Variants in XPR1 observed in about 807,000 individuals in gnomAD.
The protein encoded by XPR1 is solute carrier family 53 member 1.
Under a neutral mutation model 87.5 loss-of-function variants are expected in XPR1, and 28 were observed. The observed-to-expected ratio is 0.32, with a 90% CI of 0.24 to 0.44. The LOEUF is 0.44. Ranked by LOEUF, XPR1 falls within the 20% of genes least tolerant of loss-of-function variation. The pLI is 1.00. For missense variants in XPR1, 559 were observed against 862.3 expected (o/e 0.65, Z 4.41); for synonymous variants, 300 against 306.1 (o/e 0.98, Z 0.21).
intron 11 of XPR1, among the ~76,000 whole-genome samples, chr1:180,840,461 G>C (rs766483245): frequency 3.8e-4 from 58 of 150,980 alleles, no homozygotes; most frequent in Non-Finnish European, 6.6e-4. Context: ...GGCATACTCT[G>C]ATCCTCTTCA....
At chr1:180,840,085 C>T (rs993780801) in intron 11 of XPR1, among the ~76,000 whole-genome samples, 8 of 151,322 alleles carry the variant, frequency 5.3e-5, no homozygotes, top group Non-Finnish European at 1.0e-4. Context: ...TAGCCGGGAG[C>T]GGTGGCGGGC....
chr1:180,727,656 A>G (rs1311504966), intron 2 of XPR1, among the ~76,000 whole-genome samples: 2 of 152,192 alleles, frequency 1.3e-5, no homozygotes, highest in African/African-American at 4.8e-5. Flanking sequence ...AAAACCAACC[A>G]ACCAAACCAA....
chr1:180,807,475 A>T (rs139525362), intron 6 of XPR1, among the ~76,000 whole-genome samples: 177 of 152,348 alleles, frequency 1.2e-3, no homozygotes, highest in African/African-American at 4.0e-3. Flanking sequence ...CAAAATATAC[A>T]ATGCTTAGTA....
At chr1:180,837,444 A>G (rs927578342) in intron 11 of XPR1, among the ~76,000 whole-genome samples, 1 of 152,116 alleles carries the variant, frequency 6.6e-6, no homozygotes, top group Non-Finnish European at 1.5e-5. Flanking sequence ...TTATTTTTAA[A>G]TACTTTGCAA....
chr1:180,803,484 T>G lies in XPR1; in HGVS notation c.320T>G (p.Leu107Arg), dbSNP rs776317784. The change falls in exon 4 of 15, where the codon CTG (leucine) becomes CGG (arginine). Residue 107 changes from leucine (L) to arginine (R), a missense_variant. Coordinates refer to ENST00000367590, the MANE Select transcript of XPR1 (RefSeq NM_004736.4). ...AAAGAAAGCACTGGTGTTACTACGCTGCGACAACGCAGAAAGCCAGTCTTC... is the reference window on the plus strand; with the variant it reads ...AAAGAAAGCACTGGTGTTACTACGCGGCGACAACGCAGAAAGCCAGTCTTC... ...AQKESTGVTTLRQRRKPVFHL... is the reference protein window; with the variant it reads ...AQKESTGVTTRRQRRKPVFHL... 2 of 1,614,042 alleles carry G rather than the reference T, an allele frequency of 1.2e-6. No homozygotes were observed. The highest frequency in any genetic ancestry group is 1.7e-6 in the Non-Finnish European group (2 of 1,179,996).
intron 5 of XPR1, 106 bp downstream of exon 5, chr1:180,806,317 T>C: frequency 6.6e-7 from 1 of 1,513,186 alleles, no homozygotes; most frequent in Non-Finnish European, 9.0e-7. Context: ...TAGCTTTGAA[T>C]ATATATGCCT....
intron 2 of XPR1, among the ~76,000 whole-genome samples, chr1:180,701,820 T>G (rs1657341274): frequency 7.1e-6 from 1 of 141,126 alleles, no homozygotes; most frequent in Admixed American, 6.9e-5. Flanking sequence ...ATTTGATTCT[T>G]CTCTCTTTTT....
chr1:180,810,736 G>A (rs1650177464), intron 6 of XPR1, among the ~76,000 whole-genome samples: 1 of 151,728 alleles, frequency 6.6e-6, no homozygotes, highest in Non-Finnish European at 1.5e-5. Context: ...TTGTAAAAAT[G>A]AAATTGCATC....
At chr1:180,661,657 G>C (rs1018592504) in intron 1 of XPR1, among the ~76,000 whole-genome samples, 1 of 152,060 alleles carries the variant, frequency 6.6e-6, no homozygotes, top group Non-Finnish European at 1.5e-5. Context: ...ATCACCTGAG[G>C]TCAGGAGTTC....
chr1:180,690,588 A>G (rs1383704979), intron 2 of XPR1, among the ~76,000 whole-genome samples: 2 of 152,016 alleles, frequency 1.3e-5, no homozygotes, highest in African/African-American at 4.8e-5. Flanking sequence ...TACCTAAATC[A>G]GGCCAAGCTT....
chr1:180,754,222 A>G (rs745518759), intron 2 of XPR1, among the ~76,000 whole-genome samples: 2 of 152,172 alleles, frequency 1.3e-5, no homozygotes, highest in Admixed American at 1.3e-4. Context: ...ACTATTATCT[A>G]TTCTGGCTAC....
At chr1:180,701,914 G>A (rs1233160323) in intron 2 of XPR1, among the ~76,000 whole-genome samples, 11 of 118,564 alleles carry the variant, frequency 9.3e-5, no homozygotes, top group Non-Finnish European at 1.7e-4. Context: ...TTTTTTGAAG[G>A]GTTTTTTGTG....
intron 3 of XPR1, among the ~76,000 whole-genome samples, chr1:180,798,197 G>C (rs898699434): frequency 6.6e-5 from 10 of 151,804 alleles, no homozygotes; most frequent in African/African-American, 2.4e-4. Context: ...ATGTAAAGGA[G>C]AGCATGAAAA....
At chr1:180,840,564 G>GTA (rs1382653969) in intron 11 of XPR1, among the ~76,000 whole-genome samples, 11 of 134,268 alleles carry the variant, frequency 8.2e-5, no homozygotes, top group South Asian at 2.4e-4. Context: ...GTGTGTGTGT[G>GTA]TGTATATATA....
intron 11 of XPR1, among the ~76,000 whole-genome samples, chr1:180,847,666 A>T (rs1044453003): frequency 6.6e-6 from 1 of 152,202 alleles, no homozygotes. Flanking sequence ...TCACATGCAA[A>T]ATATTAGGGA....
rs369695533 is a variant in XPR1 at position 180,872,844 on chromosome 1, G to A, written c.1669-959G>A. 4.6e-5 allele frequency among the ~76,000 whole-genome samples: 7 copies of A among 151,928 alleles called. No homozygotes were observed. In the East Asian group the frequency reaches 5.8e-4, roughly 13 times the overall value. ...ATTCGGCCATCTTGGCTCCTCCCCC[G>A]GATTATTCTTATTACACATATTAGT... is the stretch of plus-strand genomic sequence containing the variant. On this transcript the variant is annotated intron_variant, in intron 12 of 14. Transcript: ENST00000367590.
At chr1:180,757,967 G>C (rs565461551) in intron 2 of XPR1, among the ~76,000 whole-genome samples, 140 of 147,972 alleles carry the variant, frequency 9.5e-4, no homozygotes, top group African/African-American at 3.2e-3. Context: ...TTGATATGTA[G>C]TAGAGAAAGC....
At chr1:180,834,812 A>C in intron 9 of XPR1, 62 bp from the exon 10 acceptor site, 2 of 1,521,758 alleles carry the variant, frequency 1.3e-6, no homozygotes, top group Non-Finnish European at 1.8e-6. Context: ...TCAGACATGA[A>C]ATGGAGACAT....
At chr1:180,673,425 T>C (rs1000095378) in intron 1 of XPR1, among the ~76,000 whole-genome samples, 4 of 152,234 alleles carry the variant, frequency 2.6e-5, no homozygotes, top group African/African-American at 7.2e-5. Flanking sequence ...ATGAAAGATA[T>C]TGTGTGTTCA....
Sources: allele counts gnomAD v4.1 joint callset (sites outside exome capture counted in the v4.1 genomes callset), GRCh38; gene constraint gnomAD v4.1.1; transcripts MANE v1.5; gene names NCBI Gene and HGNC (gene_info 2026-07-23, HGNC 2026-07-21).